Variants in STK26 observed in about 807,000 individuals in gnomAD.
STK26 encodes the protein serine/threonine-protein kinase 26.
In STK26, 14 loss-of-function variants were observed where a neutral mutation model predicts 34.7. The observed-to-expected ratio is 0.40, with a 90% CI of 0.27 to 0.63. The LOEUF (loss-of-function observed/expected upper bound fraction) is 0.63, where lower values mean the gene tolerates loss of function less well. STK26 is among the 30% of genes least tolerant of loss of function. The pLI, the probability that STK26 is intolerant of heterozygous loss-of-function variation, is 0.38. For synonymous variants in STK26, 100 were observed against 109.8 expected, an observed-to-expected ratio of 0.91 and a Z score of 0.56; for missense variants, 226 against 309.1, an observed-to-expected ratio of 0.73 and a Z score of 2.02.
At chrX:132,063,189 TCTAA>T (rs778534806) in intron 3 of STK26, among the ~76,000 whole-genome samples, 4 of 111,339 alleles carry the variant, frequency 3.6e-5, no homozygotes, top group African/African-American at 1.3e-4. Context: ...ACTCATTTTC[TCTAA>T]CTACTTTTTG....
intron 3 of STK26, among the ~76,000 whole-genome samples, chrX:132,062,730 T>C (rs1330889933): frequency 8.9e-6 from 1 of 112,396 alleles, no homozygotes; most frequent in Non-Finnish European, 1.9e-5. Context: ...CTATCTTTTC[T>C]TTCCAATATC....
chrX:132,044,836 G>T (rs1926441586), intron 2 of STK26, among the ~76,000 whole-genome samples: 2 of 79,926 alleles, frequency 2.5e-5, no homozygotes, highest in African/African-American at 4.7e-5. Context: ...TATAGAGAGA[G>T]ATCTATATAT....
chrX:132,026,309 T>C (rs1935098467), intron 2 of STK26, among the ~76,000 whole-genome samples: 1 of 112,091 alleles, frequency 8.9e-6, no homozygotes. Context: ...CTCTTCCTTA[T>C]GAATTAGTTA....
At chrX:132,058,104 G>C (rs1926917759) in intron 3 of STK26, among the ~76,000 whole-genome samples, 1 of 111,773 alleles carries the variant, frequency 8.9e-6, no homozygotes, top group African/African-American at 3.3e-5. Context: ...TAATTTTGCT[G>C]TCATATTTGT....
rs769077977 is a variant in STK26 at position 132,024,855 on chromosome X, G to A, written c.42+1196G>A. ...TATTTGTGCACCTAGAACTCTTGGT[G>A]TGTCCTAAACACCAGACATTTCAGC... On this transcript the variant is annotated intron_variant, in intron 2 of 11. Transcript: ENST00000394334. 3.3e-4 allele frequency among the ~76,000 whole-genome samples: 35 copies of A among 107,357 alleles called. No homozygotes were observed. In the East Asian group the frequency reaches 9.6e-3, roughly 29 times the overall value. The allele number at this position is 107,357 out of a possible 115,157, so 93.2% of individuals were successfully genotyped here.
rs944209326 is a variant in STK26, at chrX:132,072,208, T to C, written c.933-60T>C. 3.3e-6 allele frequency: 3 copies of C among 916,146 alleles called. No individual in the cohort carries two copies. The African/African-American group carries it at 5.9e-5, about 18-fold the overall frequency. The allele number at this position is 916,146 out of a possible 1,213,427, so 75.5% of individuals were successfully genotyped here. On this transcript the variant is annotated intron_variant, in intron 8 of 11. Transcript: ENST00000394334. The stretch of plus-strand genomic sequence containing the variant: ...TTAGATTCTACCTGCATTGATTTGG[T>C]ATTTTTGCCAAGCTGAATCATTTGG...
chrX:132,055,526 G>A lies in STK26; in HGVS notation c.273+665G>A. The A allele has an allele frequency of 1.8e-6, 2 of 1,142,343 alleles. 1 individual carries two copies. The allele number at this position is 1,142,343 out of a possible 1,213,427, so 94.1% of individuals were successfully genotyped here. On this transcript the variant is annotated intron_variant, in intron 3 of 11. Coordinates refer to ENST00000394334, the MANE Select transcript of STK26 (RefSeq NM_016542.4). ...TTACTACATAGCAGAAAACTGGTTG[G>A]TAAAACCCAGTGGTCCTTGGGTTCC... is the stretch of plus-strand genomic sequence containing the variant.
chrX:132,037,930 G>T (rs755956707), intron 2 of STK26, among the ~76,000 whole-genome samples: 310 of 109,529 alleles, frequency 2.8e-3, no homozygotes, highest in African/African-American at 0.01. Flanking sequence ...CGAGGTTTTA[G>T]CATAGGTGAC....
chrX:132,030,598 T>C (rs1925795592), intron 2 of STK26, among the ~76,000 whole-genome samples: 1 of 111,519 alleles, frequency 9.0e-6, no homozygotes, highest in Non-Finnish European at 1.9e-5. Flanking sequence ...AATCTAATAG[T>C]AGAATTTCAG....
intron 2 of STK26, among the ~76,000 whole-genome samples, chrX:132,044,080 A>G (rs1425627853): frequency 9.0e-6 from 1 of 111,684 alleles, no homozygotes; most frequent in Admixed American, 9.5e-5. Context: ...TTGCAAATGA[A>G]AAGATAATCA....
chrX:132,042,486 G>C (rs1284808689), intron 2 of STK26, among the ~76,000 whole-genome samples: 1 of 110,673 alleles, frequency 9.0e-6, no homozygotes, highest in Non-Finnish European at 1.9e-5. Context: ...TTCTTCTTAG[G>C]TTAGGTTTTC....
intron 8 of STK26, among the ~76,000 whole-genome samples, chrX:132,071,518 T>C (rs372513115): frequency 2.7e-5 from 3 of 111,908 alleles, no homozygotes; most frequent in African/African-American, 9.7e-5. Flanking sequence ...ATTAGTTTGC[T>C]CAAAGTAATA....
chrX:132,046,791 A>G (rs915192936), intron 2 of STK26, among the ~76,000 whole-genome samples: 3 of 111,810 alleles, frequency 2.7e-5, no homozygotes, highest in Non-Finnish European at 3.8e-5. Context: ...GATGACCACA[A>G]GGAAGCCCAG....
At chrX:132,025,038 C>T (rs1199171591) in intron 2 of STK26, among the ~76,000 whole-genome samples, 1 of 111,190 alleles carries the variant, frequency 9.0e-6, no homozygotes, top group African/African-American at 3.3e-5. Context: ...CTCAGGCGGC[C>T]TCCCCTCTCC....
At chrX:132,047,812 A>G (rs1926550706) in intron 2 of STK26, among the ~76,000 whole-genome samples, 1 of 111,759 alleles carries the variant, frequency 8.9e-6, no homozygotes. Context: ...TTTCACCAAC[A>G]TCTTTCCCAC....
intron 2 of STK26, among the ~76,000 whole-genome samples, chrX:132,024,919 A>G (rs1349209343): frequency 9.2e-6 from 1 of 109,175 alleles, no homozygotes; most frequent in Non-Finnish European, 1.9e-5. Flanking sequence ...TCAGGAAGTT[A>G]GTGTATATTA....
At chrX:132,023,720 C>T (rs746368754) in intron 2 of STK26, 61 bp downstream of exon 2, 5 of 1,132,355 alleles carry the variant, frequency 4.4e-6, no homozygotes, top group South Asian at 4.0e-5. Flanking sequence ...GGTGCGCCCT[C>T]GGTGCTGGGC....
At chrX:132,057,852 G>C (rs1433606005) in intron 3 of STK26, among the ~76,000 whole-genome samples, 1 of 111,340 alleles carries the variant, frequency 9.0e-6, no homozygotes, top group East Asian at 2.8e-4. Flanking sequence ...TGCTGTCAAG[G>C]CACTCACAGT....
chrX:132,063,835 G>A (rs1378461274), intron 4 of STK26, among the ~76,000 whole-genome samples: 1 of 111,957 alleles, frequency 8.9e-6, no homozygotes, highest in Non-Finnish European at 1.9e-5. Context: ...TAAAAAATAT[G>A]TAATTGAGAT....
Sources: allele counts gnomAD v4.1 joint callset (sites outside exome capture counted in the v4.1 genomes callset), GRCh38; gene constraint gnomAD v4.1.1; transcripts MANE v1.5; gene names NCBI Gene and HGNC (gene_info 2026-07-23, HGNC 2026-07-21).